Variants in SPECC1 observed in about 807,000 individuals in gnomAD.
The protein encoded by SPECC1 is cytospin-B.
A neutral mutation model predicts 104.1 loss-of-function variants in SPECC1; 62 were observed. The observed-to-expected ratio is 0.60, with a 90% CI of 0.49 to 0.74. SPECC1 has a LOEUF of 0.74. SPECC1 is among the 30% of genes least tolerant of loss of function. The pLI is 0.00. For synonymous variants in SPECC1, 513 were observed against 501.6 expected, an observed-to-expected ratio of 1.02 and a Z score of -0.30; for missense variants, 1,306 against 1,310.5, an observed-to-expected ratio of 1.00 and a Z score of 0.05.
intron 1 of SPECC1, among the ~76,000 whole-genome samples, chr17:20,048,861 C>T (rs772725384): frequency 1.6e-4 from 24 of 151,756 alleles, no homozygotes; most frequent in Non-Finnish European, 2.9e-4. Flanking sequence ...CATGGCATTC[C>T]AGCCTGGATG....
At chr17:20,087,606 G>A (rs2047225906) in intron 1 of SPECC1, among the ~76,000 whole-genome samples, 1 of 151,960 alleles carries the variant, frequency 6.6e-6, no homozygotes, top group Non-Finnish European at 1.5e-5. Flanking sequence ...CAGGGCCAGG[G>A]AGGCACCCAT....
chr17:20,311,644 C>A, intron 14 of SPECC1, among the ~76,000 whole-genome samples: 1 of 152,092 alleles, frequency 6.6e-6, no homozygotes, highest in East Asian at 1.9e-4. Context: ...CCACCCGCCT[C>A]GGCCTCCCAA....
chr17:20,232,814 C>T (rs189418679), intron 7 of SPECC1, among the ~76,000 whole-genome samples: 125 of 152,292 alleles, frequency 8.2e-4, no homozygotes, highest in African/African-American at 3.0e-3. Context: ...GAGGAGCCGC[C>T]GGAGAAGGAC....
intron 3 of SPECC1, among the ~76,000 whole-genome samples, chr17:20,161,690 TACTC>T (rs1256087728): frequency 5.3e-5 from 8 of 152,222 alleles, no homozygotes; most frequent in Non-Finnish European, 1.2e-4. Flanking sequence ...TTTATCCTGT[TACTC>T]AGTTTCTGTC....
At chr17:20,063,237 G>C (rs1024777761) in intron 1 of SPECC1, among the ~76,000 whole-genome samples, 1 of 152,088 alleles carries the variant, frequency 6.6e-6, no homozygotes, top group Non-Finnish European at 1.5e-5. Context: ...GCAGTCATTT[G>C]GATTTTTGTG....
intron 4 of SPECC1, among the ~76,000 whole-genome samples, chr17:20,206,302 G>A (rs1377285168): frequency 6.6e-6 from 1 of 152,224 alleles, no homozygotes; most frequent in Admixed American, 6.5e-5. Context: ...TCTGAAGATT[G>A]AGTGGGAGTT....
chr17:20,048,863 G>A (rs56245939), intron 1 of SPECC1, among the ~76,000 whole-genome samples: 10,647 of 151,882 alleles, frequency 0.07, 399 homozygotes, highest in Non-Finnish European at 0.081. Flanking sequence ...TGGCATTCCA[G>A]CCTGGATGAC....
chr17:20,045,686 G>A (rs1296540797), intron 1 of SPECC1, among the ~76,000 whole-genome samples: 1 of 152,176 alleles, frequency 6.6e-6, no homozygotes, highest in Non-Finnish European at 1.5e-5. Flanking sequence ...GTACATCCTA[G>A]CTCTCAGCAC....
At chr17:20,103,697 A>G (rs140464889) in intron 2 of SPECC1, among the ~76,000 whole-genome samples, 15 of 152,138 alleles carry the variant, frequency 9.9e-5, no homozygotes, top group Non-Finnish European at 1.8e-4. Flanking sequence ...TCTCCCTAGG[A>G]GCATGGCATC....
At chr17:20,251,957 A>T (rs1366534631) in intron 9 of SPECC1, among the ~76,000 whole-genome samples, 1 of 152,172 alleles carries the variant, frequency 6.6e-6, no homozygotes, top group African/African-American at 2.4e-5. Context: ...CTCTTGTGGC[A>T]CTTCTCAGAG....
At chr17:20,178,516 C>A (rs2034635391) in intron 3 of SPECC1, among the ~76,000 whole-genome samples, 1 of 152,086 alleles carries the variant, frequency 6.6e-6, no homozygotes, top group African/African-American at 2.4e-5. Flanking sequence ...ACAAGCATAA[C>A]TAAATCAGAG....
chr17:20,301,305 A>G (rs2041570866), intron 13 of SPECC1, among the ~76,000 whole-genome samples: 1 of 152,096 alleles, frequency 6.6e-6, no homozygotes, highest in South Asian at 2.1e-4. Flanking sequence ...CACAGGGAGC[A>G]AGTGGATGTG....
intron 3 of SPECC1, among the ~76,000 whole-genome samples, chr17:20,124,472 G>A (rs537575893): frequency 7.2e-5 from 11 of 152,242 alleles, no homozygotes; most frequent in African/African-American, 2.6e-4. Flanking sequence ...AGGGGCCTGG[G>A]GCAGGTGGGG....
chr17:20,053,316 G>T (rs549236351), intron 1 of SPECC1, among the ~76,000 whole-genome samples: 1 of 152,108 alleles, frequency 6.6e-6, no homozygotes, highest in East Asian at 1.9e-4. Context: ...ACCATCTATG[G>T]GTATGTTCAT....
intron 3 of SPECC1, among the ~76,000 whole-genome samples, chr17:20,125,931 C>T (rs2049281407): frequency 6.6e-6 from 1 of 152,150 alleles, no homozygotes; most frequent in Admixed American, 6.6e-5. Context: ...ATGATTTAGT[C>T]AGGGCTTTGG....
chr17:20,213,960 A>G (rs776281649), intron 4 of SPECC1, among the ~76,000 whole-genome samples: 1 of 152,188 alleles, frequency 6.6e-6, no homozygotes, highest in Non-Finnish European at 1.5e-5. Flanking sequence ...TATTCACACA[A>G]TTGTGCAACC....
At position 20,088,808 on chromosome 17, in the gene SPECC1, G is replaced by A. The variant is rs528610710; in HGVS notation, c.-21-7823G>A. ...TCTGTTGGAACCTAAAACCCCATGT[G>A]ATAGGATTAAGAGGTGGGGCCTTTG... On this transcript the variant is annotated intron_variant, in intron 1 of 14. Coordinates refer to ENST00000395527, the MANE Select transcript of SPECC1 (RefSeq NM_001243439.2). Among the ~76,000 whole-genome samples the A allele has an allele frequency of 1.7e-3, 265 of 152,330 alleles. 1 individual carries two copies. The highest frequency in any genetic ancestry group is 6.2e-3 in the African/African-American group (258 of 41,574).
At chr17:20,160,904 C>G (rs577891995) in intron 3 of SPECC1, among the ~76,000 whole-genome samples, 2 of 152,144 alleles carry the variant, frequency 1.3e-5, no homozygotes, top group African/African-American at 4.8e-5. Flanking sequence ...TTAAATTTTC[C>G]AAATCCATTG....
intron 3 of SPECC1, among the ~76,000 whole-genome samples, chr17:20,124,955 C>T (rs1357025555): frequency 6.6e-6 from 1 of 152,050 alleles, no homozygotes; most frequent in Non-Finnish European, 1.5e-5. Flanking sequence ...CCGAGGTGGG[C>T]GGATCACGAG....
Sources: gnomAD v4.1 joint callset for allele counts (sites outside exome capture counted in the v4.1 genomes callset) on GRCh38, gnomAD v4.1.1 for gene constraint, MANE v1.5 for transcripts, NCBI Gene and HGNC (gene_info 2026-07-23, HGNC 2026-07-21) for gene names.